The following SPPL2A variants were observed in gnomAD, a reference collection of about 807,000 sequenced individuals.
SPPL2A encodes the protein signal peptide peptidase-like 2A.
Under a neutral mutation model 63.8 loss-of-function variants are expected in SPPL2A, and 51 were observed. The ratio of observed to expected loss-of-function variants is 0.80; its 90% CI spans 0.64 to 1.01. SPPL2A has a LOEUF of 1.01. Ranked by LOEUF, SPPL2A falls within the 50% of genes least tolerant of loss-of-function variation. The pLI, the probability that SPPL2A is intolerant of heterozygous loss-of-function variation, is 0.00. For synonymous variants in SPPL2A, 188 were observed against 205.8 expected, an observed-to-expected ratio of 0.91 and a Z score of 0.74; for missense variants, 553 against 622.7, an observed-to-expected ratio of 0.89 and a Z score of 1.19.
intron 14 of SPPL2A, among the ~76,000 whole-genome samples, chr15:50,717,572 C>T (rs1481310629): frequency 2.0e-5 from 3 of 152,140 alleles, no homozygotes; most frequent in Non-Finnish European, 4.4e-5. Context: ...AGTATAGAGT[C>T]CAAACTCTTA....
At chr15:50,728,720 T>C (rs543837873) in intron 10 of SPPL2A, among the ~76,000 whole-genome samples, 9 of 152,110 alleles carry the variant, frequency 5.9e-5, no homozygotes, top group African/African-American at 1.9e-4. Context: ...CTCGGCTCAC[T>C]GTAACCTCCG....
chr15:50,763,495 T>C (rs1330697215), intron 1 of SPPL2A, among the ~76,000 whole-genome samples: 5 of 152,160 alleles, frequency 3.3e-5, no homozygotes, highest in Non-Finnish European at 5.9e-5. Context: ...CACCAAACAT[T>C]TGCAGTGTAG....
chr15:50,748,074 T>G (rs755324301), intron 4 of SPPL2A, 39 bp downstream of exon 4: 3 of 789,062 alleles, frequency 3.8e-6, no homozygotes, highest in Non-Finnish European at 5.7e-6. Context: ...AGAGATACAG[T>G]ATTTATAAAC....
intron 10 of SPPL2A, among the ~76,000 whole-genome samples, chr15:50,730,610 C>T (rs931210583): frequency 4.6e-5 from 7 of 152,100 alleles, no homozygotes; most frequent in East Asian, 1.9e-4. Context: ...CTAGGCCTTC[C>T]GATTTCCAGC....
intron 1 of SPPL2A, among the ~76,000 whole-genome samples, chr15:50,762,760 T>C (rs1226216122): frequency 2.1e-5 from 3 of 145,524 alleles, no homozygotes; most frequent in Non-Finnish European, 4.5e-5. Context: ...TGAGATGGAG[T>C]CTCGCTCTGT....
intron 14 of SPPL2A, among the ~76,000 whole-genome samples, chr15:50,714,745 C>G (rs1163809127): frequency 6.6e-6 from 1 of 151,688 alleles, no homozygotes; most frequent in Non-Finnish European, 1.5e-5. Context: ...AAGTTCAGGA[C>G]CAGCCTGGCT....
At chr15:50,711,129 A>G (rs775682562) in intron 14 of SPPL2A, among the ~76,000 whole-genome samples, 1 of 152,078 alleles carries the variant, frequency 6.6e-6, no homozygotes, top group African/African-American at 2.4e-5. Flanking sequence ...TCCACAAAAA[A>G]TGTTCATAGG....
intron 1 of SPPL2A, among the ~76,000 whole-genome samples, chr15:50,754,574 A>G (rs1023777591): frequency 1.3e-5 from 2 of 152,266 alleles, no homozygotes; most frequent in Non-Finnish European, 1.5e-5. Context: ...TGTTGAAAAA[A>G]TAACACAAAA....
In SPPL2A at chr15:50,756,356, CAA is replaced by C. The variant is rs34922256; in HGVS notation, c.67-6612_67-6611del. 3.5e-3 allele frequency among the ~76,000 whole-genome samples: 223 copies of C among 63,378 alleles called. 1 individual carries two copies. Among genetic ancestry groups the C allele is most frequent in the East Asian group, 0.01 (23 of 2,198 alleles). 41.6% of individuals were successfully genotyped at this position (63,378 alleles called of 152,430 possible). ...AGTCTGACAGAGTCAGACTCCGTCTCAAAAAAAAAAAAAAAAAAAAAAGGTCA... is the reference window on the plus strand; with the variant it reads ...AGTCTGACAGAGTCAGACTCCGTCTCAAAAAAAAAAAAAAAAAAAAGGTCA... On this transcript the variant is annotated intron_variant, in intron 1 of 14. Transcript: ENST00000261854.
intron 1 of SPPL2A, among the ~76,000 whole-genome samples, chr15:50,763,618 G>A (rs1243874761): frequency 2.0e-5 from 3 of 152,112 alleles, no homozygotes; most frequent in Non-Finnish European, 4.4e-5. Flanking sequence ...GCCTAAAATC[G>A]CCGGGCATGG....
chr15:50,710,536 A>C (rs1173214444), intron 14 of SPPL2A, among the ~76,000 whole-genome samples: 1 of 152,254 alleles, frequency 6.6e-6, no homozygotes, highest in African/African-American at 2.4e-5. Flanking sequence ...AATACAATTA[A>C]TTGACAAAAT....
chr15:50,763,538 G>A (rs1301095206), intron 1 of SPPL2A, among the ~76,000 whole-genome samples: 1 of 152,106 alleles, frequency 6.6e-6, no homozygotes, highest in Non-Finnish European at 1.5e-5. Flanking sequence ...AACAACCCTA[G>A]AACCGAGGAA....
intron 1 of SPPL2A, among the ~76,000 whole-genome samples, chr15:50,756,789 T>C (rs1006756738): frequency 6.6e-6 from 1 of 152,136 alleles, no homozygotes; most frequent in African/African-American, 2.4e-5. Context: ...TCATCTTATA[T>C]ATGAAACAGA....
At chr15:50,750,586 TC>T (rs1245144869) in intron 1 of SPPL2A, among the ~76,000 whole-genome samples, 1 of 152,034 alleles carries the variant, frequency 6.6e-6, no homozygotes, top group Non-Finnish European at 1.5e-5. Flanking sequence ...AAAAGACCAA[TC>T]CAGAATTTAA....
intron 3 of SPPL2A, 38 bp downstream of exon 3, chr15:50,748,650 T>C (rs2062879053): frequency 7.2e-7 from 1 of 1,386,602 alleles, no homozygotes; most frequent in South Asian, 1.4e-5. Context: ...TTTCACATCA[T>C]GAACTCAAAA....
At chr15:50,739,880 A>T in intron 5 of SPPL2A, 52 bp from the exon 6 acceptor site, 1 of 1,344,330 alleles carries the variant, frequency 7.4e-7, no homozygotes, top group Non-Finnish European at 1.0e-6. Context: ...ACAGTTATTT[A>T]AAAAATTTAT....
At position 50,737,742 on chromosome 15, in the gene SPPL2A, C is replaced by T. The variant is rs548607452; in HGVS notation, c.734-1002G>A. On this transcript the variant is annotated intron_variant, in intron 6 of 14. Coordinates refer to ENST00000261854, the MANE Select transcript of SPPL2A (RefSeq NM_032802.4). ...TGCTGGGATTACAGGCGAGAGCCAC[C>T]GCATCTGGCCAGAATGACTTAATTT... 1.2e-4 allele frequency among the ~76,000 whole-genome samples: 18 copies of T among 152,182 alleles called. No homozygotes were observed. In the South Asian group the frequency reaches 3.7e-3, roughly 32 times the overall value.
intron 14 of SPPL2A, among the ~76,000 whole-genome samples, chr15:50,714,990 T>A (rs1002959522): frequency 6.6e-6 from 1 of 151,812 alleles, no homozygotes; most frequent in East Asian, 1.9e-4. Context: ...TTTAAGAAGT[T>A]TTTTTTGGTG....
chr15:50,757,178 A>G (rs1240945422), intron 1 of SPPL2A, among the ~76,000 whole-genome samples: 2 of 149,636 alleles, frequency 1.3e-5, no homozygotes, highest in Admixed American at 6.7e-5. Flanking sequence ...CGCCTCTGGG[A>G]TTCACGCCAT....
Sources: allele counts gnomAD v4.1 joint callset (sites outside exome capture counted in the v4.1 genomes callset), GRCh38; gene constraint gnomAD v4.1.1; transcripts MANE v1.5; gene names NCBI Gene and HGNC (gene_info 2026-07-23, HGNC 2026-07-21).